The following STX8 variants were observed in gnomAD, a reference collection of about 807,000 sequenced individuals.
The protein encoded by STX8 is syntaxin-8.
A neutral mutation model predicts 37.5 loss-of-function variants in STX8; 23 were observed. The ratio of observed to expected loss-of-function variants is 0.61; its 90% CI spans 0.44 to 0.87. STX8 has a LOEUF of 0.87. STX8 is among the 40% of genes least tolerant of loss of function. The probability of loss-of-function intolerance (pLI) is 0.00; values close to 1 mark genes in which losing one functional copy is unlikely to be tolerated. For synonymous variants in STX8, 115 were observed against 99.1 expected (o/e 1.16, Z -0.95); for missense variants, 313 against 284.7 (o/e 1.10, Z -0.71).
intron 7 of STX8, among the ~76,000 whole-genome samples, chr17:9,348,191 C>T (rs774068708): frequency 1.3e-5 from 2 of 151,970 alleles, no homozygotes; most frequent in African/African-American, 4.8e-5. Flanking sequence ...TTTGGGAAGC[C>T]GAGGTGGGCA....
chr17:9,395,350 C>A (rs1048167219), intron 6 of STX8, among the ~76,000 whole-genome samples: 2 of 152,104 alleles, frequency 1.3e-5, no homozygotes, highest in Non-Finnish European at 1.5e-5. Context: ...GCCTCTAATC[C>A]CAGCACTTTG....
intron 4 of STX8, among the ~76,000 whole-genome samples, chr17:9,505,799 G>A (rs1055170001): frequency 6.6e-6 from 1 of 151,924 alleles, no homozygotes; most frequent in Non-Finnish European, 1.5e-5. Context: ...AAAATTAGCC[G>A]GGCTTGGCGG....
chr17:9,371,964 A>G lies in STX8; in HGVS notation c.643+6588T>C, dbSNP rs147510684. On this transcript the variant is annotated intron_variant, in intron 7 of 7. Coordinates refer to ENST00000306357, the MANE Select transcript of STX8 (RefSeq NM_004853.3). ...GCTGTGCTGTTTCCGGGTATGCTAG[A>G]ATATATTTGACTATGTGCTGGTCAT... 1.2e-3 allele frequency among the ~76,000 whole-genome samples: 181 copies of G among 152,248 alleles called. No homozygotes were observed. In the East Asian group the frequency reaches 0.013, roughly 11 times the overall value.
chr17:9,525,252 G>GA (rs113114791), intron 4 of STX8, among the ~76,000 whole-genome samples: 5,209 of 152,192 alleles, frequency 0.034, 329 homozygotes, highest in African/African-American at 0.12. Context: ...GAAAAAGCAG[G>GA]ATTCAAGAAA....
intron 7 of STX8, among the ~76,000 whole-genome samples, chr17:9,295,308 T>C (rs1457624750): frequency 6.6e-6 from 1 of 152,236 alleles, no homozygotes; most frequent in Non-Finnish European, 1.5e-5. Context: ...CAAGCCTAAC[T>C]GTTCCTATTA....
intron 6 of STX8, among the ~76,000 whole-genome samples, chr17:9,412,638 TG>T (rs1272020309): frequency 6.6e-6 from 1 of 152,138 alleles, no homozygotes; most frequent in African/African-American, 2.4e-5. Context: ...TACCCTAAAA[TG>T]GAAGTTACTC....
intron 7 of STX8, among the ~76,000 whole-genome samples, chr17:9,344,601 C>T (rs1476817246): frequency 6.6e-6 from 1 of 152,124 alleles, no homozygotes; most frequent in Non-Finnish European, 1.5e-5. Context: ...CTCCTCTGTT[C>T]AGTGCCCAGG....
At chr17:9,426,751 G>C (rs1354704926) in intron 6 of STX8, among the ~76,000 whole-genome samples, 1 of 152,082 alleles carries the variant, frequency 6.6e-6, no homozygotes, top group Non-Finnish European at 1.5e-5. Context: ...GACAGTGCGA[G>C]ACTGTCTCAA....
intron 4 of STX8, among the ~76,000 whole-genome samples, chr17:9,520,006 T>C (rs1489325302): frequency 1.3e-5 from 2 of 152,152 alleles, no homozygotes; most frequent in Non-Finnish European, 2.9e-5. Flanking sequence ...AGTTATTTAC[T>C]CATCTGTCTC....
chr17:9,568,561 C>A, intron 1 of STX8, 91 bp from the exon 2 acceptor site: 2 of 1,016,238 alleles, frequency 2.0e-6, no homozygotes, highest in Admixed American at 4.5e-5. Context: ...AGTGCAGTGG[C>A]ACGATCTCAG....
At chr17:9,512,103 A>G (rs1905033688) in intron 4 of STX8, among the ~76,000 whole-genome samples, 1 of 152,210 alleles carries the variant, frequency 6.6e-6, no homozygotes, top group South Asian at 2.1e-4. Context: ...GATACAGACA[A>G]AGGCAAAGTT....
chr17:9,332,623 T>C (rs1376205109), intron 7 of STX8, among the ~76,000 whole-genome samples: 2 of 152,240 alleles, frequency 1.3e-5, no homozygotes, highest in East Asian at 1.9e-4. Flanking sequence ...ATTCAAACCA[T>C]TGTCTAGTGA....
At chr17:9,325,319 T>C (rs916469491) in intron 7 of STX8, among the ~76,000 whole-genome samples, 1 of 152,164 alleles carries the variant, frequency 6.6e-6, no homozygotes, top group African/African-American at 2.4e-5. Context: ...CAACCATAGT[T>C]TATTCCTATG....
At chr17:9,538,311 G>C (rs552049246) in intron 4 of STX8, among the ~76,000 whole-genome samples, 1 of 152,180 alleles carries the variant, frequency 6.6e-6, no homozygotes, top group African/African-American at 2.4e-5. Flanking sequence ...CCTTCTTCTA[G>C]AAGAGTAGGT....
chr17:9,545,965 G>T (rs1823680267), intron 3 of STX8, among the ~76,000 whole-genome samples: 1 of 152,200 alleles, frequency 6.6e-6, no homozygotes, highest in African/African-American at 2.4e-5. Context: ...ATATGTGTGT[G>T]TCAGTGTTCC....
At chr17:9,315,965 A>T (rs554802946) in intron 7 of STX8, among the ~76,000 whole-genome samples, 1 of 151,882 alleles carries the variant, frequency 6.6e-6, no homozygotes, top group South Asian at 2.1e-4. Flanking sequence ...AAGTGAGCCG[A>T]GATCACGCCA....
intron 7 of STX8, among the ~76,000 whole-genome samples, chr17:9,299,449 T>A (rs1908686736): frequency 6.7e-6 from 1 of 148,712 alleles, no homozygotes; most frequent in African/African-American, 2.5e-5. Flanking sequence ...CTTTTTTTTT[T>A]TTTTTTTTTT....
intron 6 of STX8, among the ~76,000 whole-genome samples, chr17:9,484,748 AC>A (rs1906510903): frequency 6.6e-6 from 1 of 152,064 alleles, no homozygotes; most frequent in Non-Finnish European, 1.5e-5. Flanking sequence ...AATCACTTGA[AC>A]CCGAGAGGTG....
Position 9,250,496 on chromosome 17 carries a change from G to T in STX8, c.*82C>A. The T allele has an allele frequency of 1.6e-6, 2 of 1,260,090 alleles. No homozygotes were observed. Among genetic ancestry groups the T allele is most frequent in the South Asian group, 2.6e-5 (2 of 78,278 alleles). The allele number at this position is 1,260,090 out of a possible 1,614,324, so 78.1% of individuals were successfully genotyped here. ...TCAGAGCTTTGGGGGAATTTATTGA[G>T]AGCAGGTTTTGCGTACCAAAAGGGT... is the stretch of plus-strand genomic sequence containing the variant. On this transcript the variant is annotated 3_prime_UTR_variant, in exon 8 of 8. Coordinates refer to ENST00000306357, the MANE Select transcript of STX8 (RefSeq NM_004853.3).
Sources: gnomAD v4.1 joint callset for allele counts (sites outside exome capture counted in the v4.1 genomes callset) on GRCh38, gnomAD v4.1.1 for gene constraint, MANE v1.5 for transcripts, NCBI Gene and HGNC (gene_info 2026-07-23, HGNC 2026-07-21) for gene names.